The following BRF1 variants were observed in gnomAD, a reference collection of about 807,000 sequenced individuals.
BRF1 encodes transcription factor IIIB 90 kDa subunit.
In BRF1, 59 loss-of-function variants were observed where a neutral mutation model predicts 81.7. That is an observed-to-expected ratio of 0.72 (90% confidence interval 0.59 to 0.90). The LOEUF (loss-of-function observed/expected upper bound fraction) is 0.90, where lower values mean the gene tolerates loss of function less well. Ranked by LOEUF, BRF1 falls within the 40% of genes least tolerant of loss-of-function variation. BRF1 has a pLI of 0.00. For synonymous variants in BRF1, 491 were observed against 395.6 expected, an observed-to-expected ratio of 1.24 and a Z score of -2.86; for missense variants, 1,050 against 936.3, an observed-to-expected ratio of 1.12 and a Z score of -1.58.
At chr14:105,282,272 G>A in intron 2 of BRF1, among the ~76,000 whole-genome samples, 1 of 152,286 alleles carries the variant, frequency 6.6e-6, no homozygotes, top group East Asian at 1.9e-4. Flanking sequence ...CCAAAGGAGG[G>A]GCCTGTGACC....
At chr14:105,250,164 C>T in intron 5 of BRF1, 1 of 1,612,966 alleles carries the variant, frequency 6.2e-7, no homozygotes, top group Non-Finnish European at 8.5e-7. Flanking sequence ...TGGTACACGG[C>T]CACCAACAAG....
At chr14:105,228,999 C>G (rs141686622) in intron 6 of BRF1, 86 bp from the exon 7 acceptor site, 2 of 1,236,380 alleles carry the variant, frequency 1.6e-6, no homozygotes, top group African/African-American at 1.5e-5. Context: ...CTGCGGATCC[C>G]GGTCACGGAG....
intron 5 of BRF1, 73 bp from the exon 6 acceptor site, chr14:105,241,487 A>G: frequency 6.3e-7 from 1 of 1,580,956 alleles, no homozygotes; most frequent in Non-Finnish European, 8.6e-7. Flanking sequence ...CACGCAGCCC[A>G]GGGGTGGGGC....
chr14:105,249,292 C>CGTCCG, intron 5 of BRF1: 2 of 1,571,642 alleles, frequency 1.3e-6, no homozygotes, highest in South Asian at 1.1e-5. Context: ...CCGTCCGCCC[C>CGTCCG]GTCCGCCGTG....
intron 3 of BRF1, among the ~76,000 whole-genome samples, chr14:105,268,517 G>A (rs587728707): frequency 1.3e-5 from 2 of 152,368 alleles, no homozygotes; most frequent in South Asian, 2.1e-4. Flanking sequence ...CGGCACTTTC[G>A]GGGTGATAGT....
Position 105,226,771 on chromosome 14 carries a change from G to A in BRF1, c.789-11C>T. 1 of 1,613,346 alleles carries A rather than the reference G, an allele frequency of 6.2e-7. No homozygotes were observed. The highest frequency in any genetic ancestry group is 8.5e-7 in the Non-Finnish European group (1 of 1,179,988). Reference sequence around the variant, plus strand: ...TCAAATTCCGTGAGCCTAAAATGGAGCCAGACATGGGAAATGGAGCTGGTG... The same window carrying A: ...TCAAATTCCGTGAGCCTAAAATGGAACCAGACATGGGAAATGGAGCTGGTG... On this transcript the variant is annotated splice_polypyrimidine_tract_variant and intron_variant, in intron 7 of 17. Coordinates refer to ENST00000547530, the MANE Select transcript of BRF1 (RefSeq NM_001519.4).
intron 3 of BRF1, among the ~76,000 whole-genome samples, chr14:105,257,710 G>A (rs903837869): frequency 1.3e-5 from 2 of 152,178 alleles, no homozygotes; most frequent in Admixed American, 6.5e-5. Flanking sequence ...GACATCAAAG[G>A]AAACCAAAGG....
chr14:105,267,104 C>T (rs1160105054), intron 3 of BRF1, among the ~76,000 whole-genome samples: 1 of 152,158 alleles, frequency 6.6e-6, no homozygotes, highest in African/African-American at 2.4e-5. Context: ...CAGTTGTGTG[C>T]ATTAAAGGAG....
In BRF1 at chr14:105,221,787, G is replaced by A. The variant is rs1205319677; in HGVS notation, c.1176C>T (p.Ser392=). 3 of 1,611,844 alleles carry A rather than the reference G, an allele frequency of 1.9e-6. No homozygotes were observed. The East Asian group carries it at 6.7e-5, about 36-fold the overall frequency. The change falls in exon 11 of 18, where the codon AGC becomes AGT. Residue 392 remains serine, a synonymous_variant. Coordinates refer to ENST00000547530, the MANE Select transcript of BRF1 (RefSeq NM_001519.4). ...ACTCGGGGCTTCCTGCTGCTTCCGA[G>A]CTGCCGGGGGCACCACCAAGGAGCT... ...YRELLGGAPG[S]SEAAGSPEWG... is the part of the protein sequence containing the mutation.
chr14:105,249,599 G>T, intron 5 of BRF1: 1 of 1,589,374 alleles, frequency 6.3e-7, no homozygotes, highest in African/African-American at 1.3e-5. Flanking sequence ...CGCGATGGGT[G>T]CTTGGGAGCC....
In BRF1 at chr14:105,217,576, A is replaced by G; in HGVS notation, c.1740T>C (p.Ser580=). Residue 580 remains serine, a synonymous_variant, in exon 15 of 18, where the codon AGT becomes AGC. Coordinates refer to ENST00000547530, the MANE Select transcript of BRF1 (RefSeq NM_001519.4). The part of the protein sequence containing the change: ...LSRRRTPASR[S]GADPVTSVGK... ...CCACACTGGTCACAGGGTCAGCCCC[A>G]CTTCTGCTGGCCGGCGTCCTCCTTC... The G allele has an allele frequency of 6.2e-7, 1 of 1,613,388 alleles. No homozygotes were observed. Among genetic ancestry groups the G allele is most frequent in the East Asian group, 2.2e-5 (1 of 44,866 alleles).
chr14:105,249,051 G>A (rs2055383027), intron 5 of BRF1: 5 of 1,288,702 alleles, frequency 3.9e-6, no homozygotes, highest in Non-Finnish European at 4.9e-6. Context: ...GGAGAGCCCC[G>A]GCTGGCGGTG....
chr14:105,211,320 C>G (rs1365998697), intron 16 of BRF1, 27 bp from the exon 17 acceptor site: 10 of 1,559,256 alleles, frequency 6.4e-6, no homozygotes, highest in Non-Finnish European at 8.7e-6. Context: ...CTCTGACACA[C>G]ACAGAGCTGG....
At chr14:105,226,194 A>G in intron 9 of BRF1, 33 bp from the exon 10 acceptor site, 1 of 1,614,052 alleles carries the variant, frequency 6.2e-7, no homozygotes. Context: ...AAAAGTCAGC[A>G]TAAAATCAAT....
At chr14:105,263,401 A>G (rs1405498280) in intron 3 of BRF1, among the ~76,000 whole-genome samples, 1 of 152,182 alleles carries the variant, frequency 6.6e-6, no homozygotes, top group Non-Finnish European at 1.5e-5. Flanking sequence ...CAGTGCACTT[A>G]GTCCCTTTAC....
chr14:105,212,696 G>T, intron 15 of BRF1: 1 of 156,872 alleles, frequency 6.4e-6, no homozygotes, highest in Non-Finnish European at 1.4e-5. Flanking sequence ...GGGGCCCAGG[G>T]GAGAGGACGC....
At chr14:105,229,731 C>T (rs1216824656) in intron 6 of BRF1, among the ~76,000 whole-genome samples, 12 of 50,626 alleles carry the variant, frequency 2.4e-4, no homozygotes, top group Middle Eastern at 7.1e-3. Context: ...TCCGCGTAGT[C>T]GCCCAGCTGG....
chr14:105,299,936 A>C (rs2057916767), intron 1 of BRF1, among the ~76,000 whole-genome samples: 1 of 152,188 alleles, frequency 6.6e-6, no homozygotes, highest in South Asian at 2.1e-4. Context: ...CAACCACCTG[A>C]AACTGGCCAC....
chr14:105,250,593 A>G, intron 5 of BRF1: 2 of 1,614,118 alleles, frequency 1.2e-6, no homozygotes, highest in Non-Finnish European at 1.7e-6. Context: ...GTGGCCTTCC[A>G]GTTCCAGTGC....
Sources: gnomAD v4.1 joint callset for allele counts (sites outside exome capture counted in the v4.1 genomes callset) on GRCh38, gnomAD v4.1.1 for gene constraint, MANE v1.5 for transcripts, NCBI Gene and HGNC (gene_info 2026-07-23, HGNC 2026-07-21) for gene names.